Variants in ESRRG observed in about 807,000 individuals in gnomAD.
The protein encoded by ESRRG is estrogen-related receptor gamma.
In ESRRG, 13 loss-of-function variants were observed where a neutral mutation model predicts 44.0. The observed-to-expected ratio is 0.30, with a 90% confidence interval of 0.19 to 0.47. ESRRG has a LOEUF of 0.47. ESRRG is among the 20% of genes least tolerant of loss of function. The pLI is 1.00. For synonymous variants in ESRRG, 215 were observed against 214.6 expected, an observed-to-expected ratio of 1.00 and a Z score of -0.02; for missense variants, 395 against 580.6, an observed-to-expected ratio of 0.68 and a Z score of 3.29.
intron 1 of ESRRG, among the ~76,000 whole-genome samples, chr1:216,687,368 G>C (rs867761671): frequency 6.6e-6 from 1 of 152,130 alleles, no homozygotes; most frequent in Non-Finnish European, 1.5e-5. Context: ...GCAAGCAGCG[G>C]GGAGCTGTTG....
At chr1:216,789,290 GCAAC>G (rs1479014492) in intron 2 of ESRRG, among the ~76,000 whole-genome samples, 2 of 152,094 alleles carry the variant, frequency 1.3e-5, no homozygotes, top group Non-Finnish European at 2.9e-5. Context: ...CCAACCTTCA[GCAAC>G]TGCCATGCTG....
chr1:216,780,120 A>G (rs902763941), intron 2 of ESRRG, among the ~76,000 whole-genome samples: 1 of 152,008 alleles, frequency 6.6e-6, no homozygotes, highest in Non-Finnish European at 1.5e-5. Flanking sequence ...GCTCATGCAA[A>G]GAAATTGTGG....
intron 1 of ESRRG, among the ~76,000 whole-genome samples, chr1:217,021,731 G>A (rs1329556934): frequency 6.6e-6 from 1 of 152,180 alleles, no homozygotes; most frequent in Non-Finnish European, 1.5e-5. Flanking sequence ...GTTATATATA[G>A]TCTAAAAAGC....
At chr1:216,827,696 T>TG (rs1258058459) in intron 2 of ESRRG, among the ~76,000 whole-genome samples, 2 of 152,190 alleles carry the variant, frequency 1.3e-5, no homozygotes, top group African/African-American at 4.8e-5. Flanking sequence ...AGAAAGGGTA[T>TG]GCAATGGTGC....
intron 1 of ESRRG, among the ~76,000 whole-genome samples, chr1:217,052,055 G>A (rs1299000621): frequency 6.6e-6 from 1 of 152,150 alleles, no homozygotes; most frequent in Non-Finnish European, 1.5e-5. Context: ...ACAGGCACGA[G>A]CCACTACACT....
At chr1:216,917,041 T>A (rs1297711490) in intron 2 of ESRRG, among the ~76,000 whole-genome samples, 1 of 151,504 alleles carries the variant, frequency 6.6e-6, no homozygotes, top group Non-Finnish European at 1.5e-5. Context: ...TTGGCTGGGA[T>A]CTGGGCTCAA....
chr1:216,706,451 C>T (rs1397771421), intron 1 of ESRRG, among the ~76,000 whole-genome samples: 2 of 152,102 alleles, frequency 1.3e-5, no homozygotes, highest in Non-Finnish European at 1.5e-5. Context: ...GCTGGCTGTG[C>T]CCACGTTGCA....
At position 216,719,913 on chromosome 1, in the gene ESRRG, T is replaced by G. The variant is rs2085831119; in HGVS notation, c.56+3331A>C. On this transcript the variant is annotated intron_variant, in intron 1 of 6. Transcript: ENST00000408911. ...ATCACCCTTAGCTCTGCCCAGGAAA[T>G]GAAAGCTGTTTCTTAGTCCTTTCTA... is the stretch of plus-strand genomic sequence containing the variant. Among the ~76,000 whole-genome samples, 2 of 152,032 alleles carry G rather than the reference T, an allele frequency of 1.3e-5. 1 individual carries two copies. Among genetic ancestry groups the G allele is most frequent in the South Asian group, 4.1e-4 (2 of 4,828 alleles).
At chr1:216,980,151 G>A (rs1305538533) in intron 1 of ESRRG, among the ~76,000 whole-genome samples, 1 of 151,890 alleles carries the variant, frequency 6.6e-6, no homozygotes, top group South Asian at 2.1e-4. Flanking sequence ...ACTTTTTCTT[G>A]TTTTATTATG....
chr1:216,748,146 C>T (rs539654018), intron 2 of ESRRG, among the ~76,000 whole-genome samples: 18 of 152,242 alleles, frequency 1.2e-4, no homozygotes, highest in African/African-American at 3.8e-4. Flanking sequence ...GCTGGAATCC[C>T]TCATAAGCAG....
chr1:216,516,641 A>ACACACACACACACACACACG (rs2044362658), intron 6 of ESRRG, among the ~76,000 whole-genome samples: 1 of 117,216 alleles, frequency 8.5e-6, no homozygotes, highest in Non-Finnish European at 1.8e-5. Flanking sequence ...ACACATACAC[A>ACACACACACACACACACACG]CACACACACA....
intron 2 of ESRRG, among the ~76,000 whole-genome samples, chr1:216,926,644 A>G (rs2149776814): frequency 6.6e-6 from 1 of 152,316 alleles, no homozygotes; most frequent in East Asian, 1.9e-4. Flanking sequence ...TTGTGGTCTG[A>G]GAGGGACATT....
intron 1 of ESRRG, among the ~76,000 whole-genome samples, chr1:216,685,101 AG>A (rs1307650830): frequency 6.6e-6 from 1 of 152,168 alleles, no homozygotes. Context: ...TAAAGACTGA[AG>A]GGCTTTCGAA....
Position 216,677,229 on chromosome 1 carries a change from T to G in ESRRG, c.319A>C (p.Thr107Pro). The G allele has an allele frequency of 1.2e-6, 2 of 1,614,162 alleles. No homozygotes were observed. The highest frequency in any genetic ancestry group is 1.7e-6 in the Non-Finnish European group (2 of 1,180,032). ...TTGGTCTGGGGATCTTCAACAATGG[T>G]GCTGGAGCAGTCATCATACAGTTTC... ...VRKLYDDCSS[T>P]IVEDPQTKCE... The change falls in exon 2 of 7, where the codon ACC becomes CCC. Residue 107 changes from threonine (T) to proline (P), a missense_variant. Thr to Pro is a conservative substitution (Grantham distance 38). This residue lies in a region of ESRRG where 148 missense variants were observed against 150.4 expected (regional missense o/e 0.98). Transcript: ENST00000408911.
At chr1:216,822,401 G>T (rs572348655) in intron 2 of ESRRG, among the ~76,000 whole-genome samples, 1 of 152,296 alleles carries the variant, frequency 6.6e-6, no homozygotes, top group Non-Finnish European at 1.5e-5. Flanking sequence ...TAAAAGAGAT[G>T]ACCAACAACC....
Position 216,592,526 on chromosome 1 carries a change from A to G in ESRRG, c.590-24428T>C, listed in dbSNP as rs973065340. ...ATCTTTTTTTTTTTCTTCTGGAGAT[A>G]GAGTCTTGCTGTCACCAAGGCTGGT... On this transcript the variant is annotated intron_variant, in intron 3 of 6. Coordinates refer to ENST00000408911, the MANE Select transcript of ESRRG (RefSeq NM_001438.4). Among the ~76,000 whole-genome samples, 3 of 151,558 alleles carry G rather than the reference A, an allele frequency of 2.0e-5. No homozygotes were observed. In the East Asian group the frequency reaches 5.8e-4, roughly 29 times the overall value.
intron 2 of ESRRG, among the ~76,000 whole-genome samples, chr1:216,930,931 T>C (rs1260498057): frequency 1.3e-5 from 2 of 152,188 alleles, no homozygotes; most frequent in South Asian, 2.1e-4. Flanking sequence ...GAAGAGCAAC[T>C]AGAAGTGGGT....
chr1:216,770,544 C>A (rs1234718587), intron 2 of ESRRG, among the ~76,000 whole-genome samples: 2 of 151,888 alleles, frequency 1.3e-5, no homozygotes, highest in Non-Finnish European at 2.9e-5. Flanking sequence ...TTTCATTGAC[C>A]ATATTTCTGC....
chr1:216,830,404 T>G (rs1445629926), intron 2 of ESRRG, among the ~76,000 whole-genome samples: 1 of 152,190 alleles, frequency 6.6e-6, no homozygotes, highest in African/African-American at 2.4e-5. Context: ...CACAGGGTCC[T>G]TTCTGTAGTT....
Sources: allele counts gnomAD v4.1 joint callset (sites outside exome capture counted in the v4.1 genomes callset), GRCh38; gene constraint gnomAD v4.1.1; regional missense constraint gnomAD v4.1.1; transcripts MANE v1.5; gene names NCBI Gene and HGNC (gene_info 2026-07-23, HGNC 2026-07-21).